The following PYGM variants were observed in gnomAD, a reference collection of about 807,000 sequenced individuals.
PYGM encodes glycogen phosphorylase, muscle form.
PYGM carries 81 observed loss-of-function variants against 99.3 expected under a neutral mutation model. The ratio of observed to expected loss-of-function variants is 0.82; its 90% CI spans 0.68 to 0.98. PYGM has a LOEUF of 0.98. Among genes scored for constraint, PYGM ranks in the 50% least tolerant of loss-of-function variants. The pLI, the probability that PYGM is intolerant of heterozygous loss-of-function variation, is 0.00. For missense variants in PYGM, 1,030 were observed against 1,158.1 expected (o/e 0.89, Z 1.61); for synonymous variants, 436 against 451.5 (o/e 0.97, Z 0.44).
rs376959137 is a variant in PYGM at position 64,754,894 on chromosome 11, G to C, written c.856-58C>G. On this transcript the variant is annotated intron_variant, in intron 7 of 19. Transcript: ENST00000164139. The surrounding 1 kb of genome is among the most constrained non-coding windows in gnomAD (Gnocchi z 5.5). Reference sequence around the variant, plus strand: ...CGGTGGGGGCATGGCCTAAAGCTGCGGTGGGTGTGGCCAGGAGGGACTCCC... The same window carrying C: ...CGGTGGGGGCATGGCCTAAAGCTGCCGTGGGTGTGGCCAGGAGGGACTCCC... 1.1e-5 allele frequency: 17 copies of C among 1,602,278 alleles called. No homozygotes were observed. The Admixed American group carries it at 2.9e-4, about 27-fold the overall frequency.
Position 64,747,225 on chromosome 11 carries a change from G to A in PYGM, c.2311C>T (p.Arg771Trp), listed in dbSNP as rs369382075. ...TGATTCCCGGGCCAACCAGCTCACC[G>A]GTCATGGTGCATGAGCATATTGACA... is the stretch of plus-strand genomic sequence containing the variant. ...DIVNMLMHHD[R>W]FKVFADYEDY... Residue 771 changes from arginine (R) to tryptophan (W), a missense_variant and splice_region_variant, in exon 18 of 20, where the codon CGG becomes TGG. Coordinates refer to ENST00000164139, the MANE Select transcript of PYGM (RefSeq NM_005609.4). The A allele has an allele frequency of 2.0e-5, 32 of 1,613,998 alleles. No homozygotes were observed. The highest frequency in any genetic ancestry group is 8.3e-5 in the Admixed American group (5 of 60,024).
At chr11:64,747,853 C>A (rs1261451956) in intron 17 of PYGM, 1 of 200,254 alleles carries the variant, frequency 5.0e-6, no homozygotes, top group East Asian at 1.2e-4. Context: ...ACCAACCTGG[C>A]CAACATGGTG....
Position 64,759,717 on chromosome 11 carries a change from C to T in PYGM, c.182G>A (p.Arg61His), listed in dbSNP as rs145514333. 824 of 1,614,066 alleles carry T rather than the reference C, an allele frequency of 5.1e-4. 6 individuals carry two copies. The highest frequency in any genetic ancestry group is 6.6e-4 in the Middle Eastern group (4 of 6,084). The change falls in exon 1 of 20, where the codon CGC (arginine) becomes CAC (histidine). Residue 61 changes from arginine (R) to histidine (H), a missense_variant. Physicochemically the swap from Arg to His is conservative, Grantham distance 29 (BLOSUM62 0). Coordinates refer to ENST00000164139, the MANE Select transcript of PYGM (RefSeq NM_005609.4). The part of the protein sequence containing the change: ...DYYFALAHTV[R>H]DHLVGRWIRT... ...GATCCAGCGCCCCACGAGGTGGTCG[C>T]GCACGGTATGGGCCAGAGCAAAGTA... is the stretch of plus-strand genomic sequence containing the variant.
intron 1 of PYGM, 23 bp downstream of exon 1, chr11:64,759,633 C>G (rs571524928): frequency 6.2e-7 from 1 of 1,612,392 alleles, no homozygotes; most frequent in Non-Finnish European, 8.5e-7. Flanking sequence ...CCCATACCCC[C>G]ACCCCAGGCT....
At chr11:64,757,649 G>A in intron 5 of PYGM, 130 bp downstream of exon 5, 1 of 1,362,644 alleles carries the variant, frequency 7.3e-7, no homozygotes, top group South Asian at 1.2e-5. Context: ...GTGACTTTGA[G>A]TAAGTCACTT....
At chr11:64,759,418 A>G (rs2058418136) in intron 1 of PYGM, among the ~76,000 whole-genome samples, 1 of 151,586 alleles carries the variant, frequency 6.6e-6, no homozygotes, top group Non-Finnish European at 1.5e-5. Context: ...ACCCACTCCA[A>G]CCTTCTCCGA....
At position 64,757,922 on chromosome 11, in the gene PYGM, G is replaced by A. The variant is rs1432251631; in HGVS notation, c.529-12C>T. On this transcript the variant is annotated splice_polypyrimidine_tract_variant and intron_variant, in intron 4 of 19. Coordinates refer to ENST00000164139, the MANE Select transcript of PYGM (RefSeq NM_005609.4). ...TCGGCCTCCTCCATCTGCACCCAAGGCAGGTCAGGGAGAAAGGCCAGCAGT... is the reference window on the plus strand; with the variant it reads ...TCGGCCTCCTCCATCTGCACCCAAGACAGGTCAGGGAGAAAGGCCAGCAGT... The A allele has an allele frequency of 4.3e-6, 7 of 1,613,678 alleles. No individual in the cohort carries two copies. The highest frequency in any genetic ancestry group is 5.9e-6 in the Non-Finnish European group (7 of 1,180,028).
chr11:64,747,408 C>G (rs1257650858), intron 17 of PYGM, 50 bp from the exon 18 acceptor site: 1 of 1,612,580 alleles, frequency 6.2e-7, no homozygotes, highest in African/African-American at 1.3e-5. Context: ...TTCCTGGCTC[C>G]TCTTCCAGAG....
intron 17 of PYGM, among the ~76,000 whole-genome samples, chr11:64,749,535 G>A (rs575538122): frequency 2.1e-4 from 31 of 151,200 alleles, no homozygotes; most frequent in South Asian, 4.2e-4. Flanking sequence ...CCAGCTACTC[G>A]GGAGGTAGAG....
At chr11:64,759,579 A>G (rs1592416782) in intron 1 of PYGM, 77 bp downstream of exon 1, 1 of 1,594,648 alleles carries the variant, frequency 6.3e-7, no homozygotes, top group African/African-American at 1.3e-5. Flanking sequence ...GACGAGGGGC[A>G]GCCACTTAAG....
At position 64,755,352 on chromosome 11, in the gene PYGM, T is replaced by C. The variant is rs115690781; in HGVS notation, c.776A>G (p.Asn259Ser). Residue 259 changes from asparagine to serine, a missense_variant, in exon 7 of 20, where the codon AAT (asparagine) becomes AGT (serine). Transcript: ENST00000164139. This position sits in a 1 kb window ranked among gnomAD's most constrained non-coding sequence, Gnocchi z 4.1. ...CACAGCCTGGATGTAGCCACCGACA[T>C]TGACTGAGGGACAAAAGTGGGGACA... Reference protein sequence around the residue: ...APNDFNLKDFNVGGYIQAVLD... With the variant: ...APNDFNLKDFSVGGYIQAVLD... 1.0e-4 allele frequency: 167 copies of C among 1,614,104 alleles called. No homozygotes were observed. The highest frequency in any genetic ancestry group is 6.6e-4 in the Middle Eastern group (4 of 6,062).
Position 64,755,572 on chromosome 11 carries a change from T to A in PYGM, c.661-14A>T. The A allele has an allele frequency of 6.2e-7, 1 of 1,608,710 alleles. No homozygotes were observed. Among genetic ancestry groups the A allele is most frequent in the Non-Finnish European group, 8.5e-7 (1 of 1,175,400 alleles). On this transcript the variant is annotated splice_polypyrimidine_tract_variant and intron_variant, in intron 5 of 19. Coordinates refer to ENST00000164139, the MANE Select transcript of PYGM (RefSeq NM_005609.4). This position sits in a 1 kb window ranked among gnomAD's most constrained non-coding sequence, Gnocchi z 4.1. ...GGCCAGTACCACCTGCGGGGGGCAA[T>A]CCTGTCAGGAGCTGGCCAGCCCTGG...
At chr11:64,750,725 C>T (rs2135828945) in intron 16 of PYGM, 142 bp from the exon 17 acceptor site, 2 of 731,348 alleles carry the variant, frequency 2.7e-6, no homozygotes, top group Non-Finnish European at 4.6e-6. Flanking sequence ...AGCCAAGCCT[C>T]CCTCTCACAC....
In PYGM at chr11:64,746,588, C is replaced by T. The variant is rs1042662560; in HGVS notation, c.*71G>A. ...TCTAACTCCAGTACCCCACCCTCTG[C>T]ATGAGGTGCTGGGGCTGGCCCAAGA... On this transcript the variant is annotated 3_prime_UTR_variant, in exon 20 of 20. Coordinates refer to ENST00000164139, the MANE Select transcript of PYGM (RefSeq NM_005609.4). 2 of 1,592,688 alleles carry T rather than the reference C, an allele frequency of 1.3e-6. No homozygotes were observed. Among genetic ancestry groups the T allele is most frequent in the East Asian group, 2.2e-5 (1 of 44,750 alleles).
chr11:64,749,254 G>A (rs1313788197), intron 17 of PYGM, among the ~76,000 whole-genome samples: 3 of 152,074 alleles, frequency 2.0e-5, no homozygotes, highest in African/African-American at 4.8e-5. Flanking sequence ...GGCTGAGGCA[G>A]GAGAATCGCT....
Position 64,752,359 on chromosome 11 carries a change from G to A in PYGM, c.1620+44C>T, listed in dbSNP as rs751651371. On this transcript the variant is annotated intron_variant, in intron 13 of 19. Coordinates refer to ENST00000164139, the MANE Select transcript of PYGM (RefSeq NM_005609.4). ...GACCCAGACATCTGGCCCCTCCAGC[G>A]CTCTCCACACAGCACAGCTGTCCCA... 4.3e-5 allele frequency: 69 copies of A among 1,591,102 alleles called. No individual in the cohort carries two copies. The Admixed American group carries it at 9.8e-4, about 23-fold the overall frequency.
rs2135831316 is a variant in PYGM, at chr11:64,752,457, C to T, written c.1566G>A (p.Leu522=). The change falls in exon 13 of 20, where the codon CTG becomes CTA. Residue 522 remains leucine, a synonymous_variant. Coordinates refer to ENST00000164139, the MANE Select transcript of PYGM (RefSeq NM_005609.4). ...FISDLDQLRK[L]LSFVDDEAFI... ...AAGCTTCATCATCCACAAAGGAGAG[C>T]AGTTTGCGCAGCTGGTCCAGGTCAG... The T allele has an allele frequency of 6.2e-7, 1 of 1,614,260 alleles. No homozygotes were observed. The highest frequency in any genetic ancestry group is 8.5e-7 in the Non-Finnish European group (1 of 1,180,044).
In PYGM at chr11:64,752,409, C is replaced by T. The variant is rs747854789; in HGVS notation, c.1614G>A (p.Val538=). ...ACATTGCATCTCTCCCCACCTGCTT[C>T]ACTTTGGCCACATCCCGAATGAAAG... is the stretch of plus-strand genomic sequence containing the variant. ...DEAFIRDVAK[V]KQENKLKFAA... The change falls in exon 13 of 20, where the codon GTG becomes GTA. Residue 538 remains valine (V), a synonymous_variant. Coordinates refer to ENST00000164139, the MANE Select transcript of PYGM (RefSeq NM_005609.4). 6.2e-7 allele frequency: 1 copy of T among 1,613,976 alleles called. No homozygotes were observed. Among genetic ancestry groups the T allele is most frequent in the South Asian group, 1.1e-5 (1 of 91,084 alleles).
intron 1 of PYGM, 76 bp from the exon 2 acceptor site, chr11:64,758,780 G>C: frequency 7.5e-7 from 1 of 1,339,378 alleles, no homozygotes. Context: ...AGCCACGCCT[G>C]GACCTCTGGC....
Sources: allele counts gnomAD v4.1 joint callset (sites outside exome capture counted in the v4.1 genomes callset), GRCh38; gene constraint gnomAD v4.1.1; non-coding constraint Gnocchi (gnomAD v3.1); transcripts MANE v1.5; gene names NCBI Gene and HGNC (gene_info 2026-07-23, HGNC 2026-07-21).